The following MAFF variants were observed in gnomAD, a reference collection of about 807,000 sequenced individuals.
MAFF encodes transcription factor MafF.
A neutral mutation model predicts 2.7 loss-of-function variants in MAFF; 4 were observed. That is an observed-to-expected ratio of 1.48 (90% CI 0.73 to 3.39). MAFF has a LOEUF of 3.39. Among genes scored for constraint, MAFF ranks in the 30% most tolerant of loss-of-function variants. MAFF has a pLI of 0.01. For missense variants in MAFF, 190 were observed against 246.6 expected, an observed-to-expected ratio of 0.77 and a Z score of 1.54; for synonymous variants, 113 against 119.4, an observed-to-expected ratio of 0.95 and a Z score of 0.35.
rs759216253 is a variant in MAFF, at chr22:38,213,871, A to C, written c.18A>C (p.Leu6=). MSVDP[L]SSKALKIKRE... The stretch of plus-strand genomic sequence containing the variant: ...CTGCAAACATGTCTGTGGATCCCCT[A>C]TCCAGCAAAGCTCTAAAGGTGAGGA... The change falls in exon 2 of 3, where the codon CTA becomes CTC. Residue 6 remains leucine, a synonymous_variant. Coordinates refer to ENST00000338483, the MANE Select transcript of MAFF (RefSeq NM_012323.4). 2 of 1,614,186 alleles carry C rather than the reference A, an allele frequency of 1.2e-6. No individual in the cohort carries two copies. The highest frequency in any genetic ancestry group is 1.7e-6 in the Non-Finnish European group (2 of 1,180,014).
At chr22:38,205,710 G>A (rs2091046250) in intron 1 of MAFF, 1 of 152,248 alleles carries the variant, frequency 6.6e-6, no homozygotes, top group Non-Finnish European at 1.5e-5. Context: ...AGAAGACAGA[G>A]GACCCCTGGG....
At position 38,215,806 on chromosome 22, in the gene MAFF, A is replaced by T. The variant is rs920119821; in HGVS notation, c.*928A>T. The stretch of plus-strand genomic sequence containing the variant: ...TCCTAAGAAGAAGGGTCCCACCTCA[A>T]CCCCTGTCAGTGTCCACTGTGGGGT... On this transcript the variant is annotated 3_prime_UTR_variant, in exon 3 of 3. Transcript: ENST00000338483. 1 of 167,078 alleles carries T rather than the reference A, an allele frequency of 6.0e-6. No homozygotes were observed. The highest frequency in any genetic ancestry group is 1.5e-5 in the Non-Finnish European group (1 of 68,136). 10.3% of individuals were successfully genotyped at this position (167,078 alleles called of 1,614,324 possible).
intron 1 of MAFF, among the ~76,000 whole-genome samples, chr22:38,208,676 C>T (rs898697226): frequency 1.3e-5 from 2 of 152,190 alleles, no homozygotes; most frequent in Non-Finnish European, 2.9e-5. Flanking sequence ...CTCAGCCTCT[C>T]CCTGTCTGGT....
chr22:38,211,428 T>C (rs951765175), intron 1 of MAFF, among the ~76,000 whole-genome samples: 1 of 152,110 alleles, frequency 6.6e-6, no homozygotes, highest in East Asian at 1.9e-4. Flanking sequence ...GGTTTCACCA[T>C]GTTGGCCAGG....
At chr22:38,203,715 T>A (rs912355856) in intron 1 of MAFF, 2 of 152,256 alleles carry the variant, frequency 1.3e-5, no homozygotes, top group Admixed American at 1.3e-4. Context: ...AATGATCTTT[T>A]GACTTTGGAT....
Position 38,214,943 on chromosome 22 carries a change from G to A in MAFF, c.*65G>A. On this transcript the variant is annotated 3_prime_UTR_variant, in exon 3 of 3. Coordinates refer to ENST00000338483, the MANE Select transcript of MAFF (RefSeq NM_012323.4). This position sits in a 1 kb window ranked among gnomAD's most constrained non-coding sequence, Gnocchi z 6.3. ...TCAGCTCCCTCCCCAAAGTGCCTGAGCGCCGCCTCTGTGCCCAGGTCCCAT... is the reference window on the plus strand; with the variant it reads ...TCAGCTCCCTCCCCAAAGTGCCTGAACGCCGCCTCTGTGCCCAGGTCCCAT... The A allele has an allele frequency of 8.1e-7, 1 of 1,242,030 alleles. No homozygotes were observed. Among genetic ancestry groups the A allele is most frequent in the Non-Finnish European group, 1.1e-6 (1 of 880,106 alleles). 76.9% of individuals were successfully genotyped at this position (1,242,030 alleles called of 1,614,324 possible). A position where few individuals can be genotyped will look rare whatever the true frequency, so the allele number is the denominator to read the frequency against.
chr22:38,206,782 A>G (rs1425152062), intron 1 of MAFF, among the ~76,000 whole-genome samples: 1 of 152,146 alleles, frequency 6.6e-6, no homozygotes, highest in Non-Finnish European at 1.5e-5. Flanking sequence ...TATCAGCCGC[A>G]ACACCCAAAG....
chr22:38,208,789 C>A (rs1380966430), intron 1 of MAFF, among the ~76,000 whole-genome samples: 1 of 152,100 alleles, frequency 6.6e-6, no homozygotes, highest in Non-Finnish European at 1.5e-5. Flanking sequence ...ATGTCTGCAC[C>A]CAGGGCCGAA....
chr22:38,206,516 AT>A (rs10551302), intron 1 of MAFF, among the ~76,000 whole-genome samples: 16,336 of 148,478 alleles, frequency 0.11, 2,405 homozygotes, highest in African/African-American at 0.34. Flanking sequence ...TAATTTTTGC[AT>A]TTTTTTTTTT....
intron 1 of MAFF, among the ~76,000 whole-genome samples, chr22:38,210,789 G>A (rs982301000): frequency 2.0e-5 from 3 of 152,092 alleles, no homozygotes; most frequent in South Asian, 2.1e-4. Flanking sequence ...GCCATGCGTC[G>A]TGGCTCATGC....
At position 38,215,775 on chromosome 22, in the gene MAFF, G is replaced by A. The variant is rs990374918; in HGVS notation, c.*897G>A. On this transcript the variant is annotated 3_prime_UTR_variant, in exon 3 of 3. Transcript: ENST00000338483. ...CCCTGCAGTCCTACTACAGTCTGGAGTGGGGTCCTAAGAAGAAGGGTCCCA... is the reference window on the plus strand; with the variant it reads ...CCCTGCAGTCCTACTACAGTCTGGAATGGGGTCCTAAGAAGAAGGGTCCCA... 1 of 167,132 alleles carries A rather than the reference G, an allele frequency of 6.0e-6. No homozygotes were observed. Among genetic ancestry groups the A allele is most frequent in the African/African-American group, 2.4e-5 (1 of 41,456 alleles). The allele number at this position is 167,132 out of a possible 1,614,324, so 10.4% of individuals were successfully genotyped here.
At position 38,214,581 on chromosome 22, in the gene MAFF, C is replaced by G. The variant is rs1393246726; in HGVS notation, c.198C>G (p.Ala66=). The G allele has an allele frequency of 4.4e-6, 7 of 1,596,180 alleles. No homozygotes were observed. In the South Asian group the frequency reaches 6.7e-5, roughly 15 times the overall value. Residue 66 remains alanine, a synonymous_variant, in exon 3 of 3, where the codon GCC becomes GCG. Coordinates refer to ENST00000338483, the MANE Select transcript of MAFF (RefSeq NM_012323.4). This position sits in a 1 kb window ranked among gnomAD's most constrained non-coding sequence, Gnocchi z 6.3. The part of the protein sequence containing the change: ...RRTLKNRGYA[A]SCRVKRVCQK... ...CACTCAAAAACCGTGGCTACGCCGC[C>G]AGCTGCCGCGTGAAGCGCGTGTGCC... is the stretch of plus-strand genomic sequence containing the variant.
chr22:38,207,957 C>T (rs2091066230), intron 1 of MAFF, among the ~76,000 whole-genome samples: 1 of 152,290 alleles, frequency 6.6e-6, no homozygotes, highest in African/African-American at 2.4e-5. Flanking sequence ...TGGGCCTTTG[C>T]AGCTATTCAT....
At chr22:38,212,151 C>T (rs1568999556) in intron 1 of MAFF, among the ~76,000 whole-genome samples, 1 of 152,182 alleles carries the variant, frequency 6.6e-6, no homozygotes, top group Non-Finnish European at 1.5e-5. Flanking sequence ...AGGCATGCAC[C>T]ACCACGCCTG....
intron 1 of MAFF, among the ~76,000 whole-genome samples, chr22:38,212,979 T>C (rs1386914984): frequency 6.6e-6 from 1 of 151,864 alleles, no homozygotes; most frequent in African/African-American, 2.4e-5. Context: ...CTGGCCAACA[T>C]GGCGAAACCC....
chr22:38,203,585 G>A (rs2091030735), intron 1 of MAFF: 1 of 152,270 alleles, frequency 6.6e-6, no homozygotes, highest in African/African-American at 2.4e-5. Flanking sequence ...GTAGCCGCCT[G>A]CAGGATGGGC....
chr22:38,205,958 T>C (rs923849574), intron 1 of MAFF, among the ~76,000 whole-genome samples: 23 of 152,324 alleles, frequency 1.5e-4, no homozygotes, highest in Non-Finnish European at 2.4e-4. Flanking sequence ...AGGACATTCC[T>C]GGGCAAACGT....
chr22:38,214,932 A>T lies in MAFF; in HGVS notation c.*54A>T, dbSNP rs962475744. The T allele has an allele frequency of 2.3e-6, 3 of 1,329,122 alleles. No homozygotes were observed. Among genetic ancestry groups the T allele is most frequent in the Non-Finnish European group, 3.1e-6 (3 of 967,676 alleles). The allele number at this position is 1,329,122 out of a possible 1,614,324, so 82.3% of individuals were successfully genotyped here. ...CCCCTCCGGCCTCAGCTCCCTCCCCAAAGTGCCTGAGCGCCGCCTCTGTGC... is the reference window on the plus strand; with the variant it reads ...CCCCTCCGGCCTCAGCTCCCTCCCCTAAGTGCCTGAGCGCCGCCTCTGTGC... On this transcript the variant is annotated 3_prime_UTR_variant, in exon 3 of 3. Transcript: ENST00000338483. The surrounding 1 kb of genome is among the most constrained non-coding windows in gnomAD (Gnocchi z 6.3).
intron 1 of MAFF, among the ~76,000 whole-genome samples, chr22:38,204,500 G>A (rs1405299044): frequency 2.0e-5 from 3 of 152,094 alleles, no homozygotes; most frequent in Non-Finnish European, 4.4e-5. Context: ...CTTCTTGGAT[G>A]TTTGCTGATT....
Sources: gnomAD v4.1 joint callset for allele counts (sites outside exome capture counted in the v4.1 genomes callset) on GRCh38, gnomAD v4.1.1 for gene constraint, Gnocchi (gnomAD v3.1) non-coding constraint, MANE v1.5 for transcripts, NCBI Gene and HGNC (gene_info 2026-07-23, HGNC 2026-07-21) for gene names.